Variants in CATSPERE observed in about 807,000 individuals in gnomAD.
The protein encoded by CATSPERE is catsper channel auxiliary subunit epsilon.
CATSPERE carries 93 observed loss-of-function variants against 114.1 expected under a neutral mutation model. That is an observed-to-expected ratio of 0.81 (90% CI 0.69 to 0.97). CATSPERE has a LOEUF of 0.97. CATSPERE is among the 50% of genes least tolerant of loss of function. The probability of loss-of-function intolerance (pLI) is 0.00; values close to 1 mark genes in which losing one functional copy is unlikely to be tolerated. For synonymous variants in CATSPERE, 341 were observed against 384.1 expected, an observed-to-expected ratio of 0.89 and a Z score of 1.31; for missense variants, 1,058 against 1,131.6, an observed-to-expected ratio of 0.93 and a Z score of 0.93.
chr1:244,549,919 G>A (rs557508520), intron 8 of CATSPERE, among the ~76,000 whole-genome samples: 3 of 152,184 alleles, frequency 2.0e-5, no homozygotes, highest in South Asian at 2.1e-4. Context: ...TGGGCATCAC[G>A]CAGTCCACTG....
At chr1:244,516,800 G>A (rs1366991096) in intron 7 of CATSPERE, among the ~76,000 whole-genome samples, 1 of 152,088 alleles carries the variant, frequency 6.6e-6, no homozygotes, top group Admixed American at 6.5e-5. Context: ...GGGATTACAG[G>A]CATTGAGCCA....
Position 244,464,855 on chromosome 1 carries a change from G to A in CATSPERE, c.114+899G>A, listed in dbSNP as rs148979042. On this transcript the variant is annotated intron_variant, in intron 2 of 21. Coordinates refer to ENST00000366534, the MANE Select transcript of CATSPERE (RefSeq NM_001130957.2). Reference sequence around the variant, plus strand: ...TTAATTTTCTGCCTTTTTCTTACTCGTTAACACAGTGCTATCTACATTGCG... The same window carrying A: ...TTAATTTTCTGCCTTTTTCTTACTCATTAACACAGTGCTATCTACATTGCG... Among the ~76,000 whole-genome samples, 226 of 150,276 alleles carry A rather than the reference G, an allele frequency of 1.5e-3. 1 individual carries two copies. The highest frequency in any genetic ancestry group is 5.0e-3 in the African/African-American group (204 of 40,832).
Position 244,552,821 on chromosome 1 carries a change from A to G in CATSPERE, c.1029+7A>G. The G allele has an allele frequency of 7.5e-7, 1 of 1,331,382 alleles. No homozygotes were observed. The highest frequency in any genetic ancestry group is 9.9e-7 in the Non-Finnish European group (1 of 1,006,814). The allele number at this position is 1,331,382 out of a possible 1,614,324, so 82.5% of individuals were successfully genotyped here. On this transcript the variant is annotated splice_region_variant and intron_variant, in intron 9 of 21. Transcript: ENST00000366534. Reference sequence around the variant, plus strand: ...GGTCAATTATTTATTAAAGGTTAGTAAAAGATATTTTATATTTTATAAATA... The same window carrying G: ...GGTCAATTATTTATTAAAGGTTAGTGAAAGATATTTTATATTTTATAAATA...
chr1:244,629,503 C>CTTTTTTTTTTTT (rs369560104), intron 20 of CATSPERE, among the ~76,000 whole-genome samples: 2 of 82,300 alleles, frequency 2.4e-5, no homozygotes, highest in African/African-American at 4.9e-5. Context: ...TCTCTCTTAC[C>CTTTTTTTTTTTT]TTTTTTTTTT....
chr1:244,595,902 T>C (rs6429493), intron 17 of CATSPERE, among the ~76,000 whole-genome samples: 25,307 of 151,768 alleles, frequency 0.17, 2,845 homozygotes, highest in East Asian at 0.39. Context: ...CACTGCACTC[T>C]AGCCTGGGCG....
chr1:244,629,855 G>T (rs1333781806), intron 20 of CATSPERE, among the ~76,000 whole-genome samples: 3 of 151,648 alleles, frequency 2.0e-5, no homozygotes, highest in Admixed American at 6.6e-5. Flanking sequence ...GGCCAGGCTG[G>T]TCTCAAACTC....
intron 1 of CATSPERE, among the ~76,000 whole-genome samples, chr1:244,455,416 T>G (rs567334635): frequency 4.5e-4 from 69 of 152,230 alleles, no homozygotes; most frequent in African/African-American, 1.6e-3. Flanking sequence ...AAACTTAATT[T>G]CAGGTGGGAA....
chr1:244,528,997 C>T (rs1292244376), intron 8 of CATSPERE, among the ~76,000 whole-genome samples: 2 of 152,158 alleles, frequency 1.3e-5, no homozygotes, highest in East Asian at 1.9e-4. Flanking sequence ...TATTGTTGCA[C>T]GTGACAGGAT....
chr1:244,451,548 G>T, upstream of CATSPERE: 1 of 1,418,442 alleles, frequency 7.0e-7, no homozygotes, highest in Non-Finnish European at 9.4e-7. The surrounding 1 kb of genome is among the most constrained non-coding windows in gnomAD (Gnocchi z 6.6). Context: ...AGTGGATCCG[G>T]GTTCTGGGTC....
chr1:244,631,337 A>G lies in CATSPERE; in HGVS notation c.2649-4152A>G, dbSNP rs61842406. Among the ~76,000 whole-genome samples, 981 of 152,196 alleles carry G rather than the reference A, an allele frequency of 6.4e-3. 4 individuals are homozygous for G. The highest frequency in any genetic ancestry group is 0.014 in the Middle Eastern group (4 of 294). On this transcript the variant is annotated intron_variant, in intron 20 of 21. Coordinates refer to ENST00000366534, the MANE Select transcript of CATSPERE (RefSeq NM_001130957.2). ...CATAGACCTAAATGTAAAATGCAAA[A>G]CTATAAAACTCATAGAAGATAACTA... is the stretch of plus-strand genomic sequence containing the variant.
intron 11 of CATSPERE, among the ~76,000 whole-genome samples, chr1:244,577,442 T>C (rs1665455838): frequency 6.6e-6 from 1 of 152,204 alleles, no homozygotes; most frequent in African/African-American, 2.4e-5. Context: ...CTTAGTCCAT[T>C]TGGGCTACAT....
chr1:244,580,071 C>G (rs773060272), intron 11 of CATSPERE, among the ~76,000 whole-genome samples: 1 of 152,148 alleles, frequency 6.6e-6, no homozygotes, highest in Admixed American at 6.5e-5. Flanking sequence ...GGGTCTCACT[C>G]TGTCATCCAG....
At chr1:244,562,102 T>C (rs1416315729) in intron 10 of CATSPERE, among the ~76,000 whole-genome samples, 1 of 138,742 alleles carries the variant, frequency 7.2e-6, no homozygotes, top group Non-Finnish European at 1.5e-5. Context: ...CAGTGAGCCA[T>C]GTTCACCTCA....
intron 8 of CATSPERE, among the ~76,000 whole-genome samples, chr1:244,536,479 T>C (rs2148439604): frequency 6.6e-6 from 1 of 152,330 alleles, no homozygotes; most frequent in South Asian, 2.1e-4. Context: ...CTGCTCAAAA[T>C]GTTCCCTCTG....
At position 244,633,890 on chromosome 1, in the gene CATSPERE, A is replaced by C. The variant is rs1290764098; in HGVS notation, c.2649-1599A>C. 2.1e-5 allele frequency among the ~76,000 whole-genome samples: 3 copies of C among 141,786 alleles called. No individual in the cohort carries two copies. Among genetic ancestry groups the C allele is most frequent in the Non-Finnish European group, 3.0e-5 (2 of 66,246 alleles). 93.0% of individuals were successfully genotyped at this position (141,786 alleles called of 152,430 possible). A position where few individuals can be genotyped will look rare whatever the true frequency, so the allele number is the denominator to read the frequency against. On this transcript the variant is annotated intron_variant, in intron 20 of 21. Coordinates refer to ENST00000366534, the MANE Select transcript of CATSPERE (RefSeq NM_001130957.2). This position sits in a 1 kb window ranked among gnomAD's most constrained non-coding sequence, Gnocchi z 4.1. ...ATTTTTTTTTTTTTTTTTGAGACGG[A>C]GCCTCACTCTGTTGCCCAGGCTGGA...
At chr1:244,532,973 G>T (rs1186452866) in intron 8 of CATSPERE, among the ~76,000 whole-genome samples, 2 of 148,628 alleles carry the variant, frequency 1.3e-5, no homozygotes, top group African/African-American at 5.2e-5. Context: ...GGCTATTATT[G>T]TATTGGGGTC....
At chr1:244,501,300 G>A (rs1035599238) in intron 7 of CATSPERE, among the ~76,000 whole-genome samples, 2 of 152,120 alleles carry the variant, frequency 1.3e-5, no homozygotes, top group African/African-American at 4.8e-5. Flanking sequence ...ATCACTTGAA[G>A]ATAAATGAAT....
chr1:244,502,143 A>G (rs961682715), intron 7 of CATSPERE, among the ~76,000 whole-genome samples: 6 of 152,164 alleles, frequency 3.9e-5, no homozygotes, highest in African/African-American at 1.4e-4. Context: ...GTTTTGATCA[A>G]TCATCCACAA....
rs1166419094 is a variant in CATSPERE, at chr1:244,575,516, C to A, written c.1950+2744C>A. The stretch of plus-strand genomic sequence containing the variant: ...GGACGTACCTGAGCAGCACAGAAGG[C>A]TTGGGGCTCGACAGCTGGTGGCCTG... On this transcript the variant is annotated intron_variant, in intron 11 of 21. Transcript: ENST00000366534. The surrounding 1 kb of genome is among the most constrained non-coding windows in gnomAD (Gnocchi z 4.5). Among the ~76,000 whole-genome samples, 3 of 152,200 alleles carry A rather than the reference C, an allele frequency of 2.0e-5. No homozygotes were observed. The highest frequency in any genetic ancestry group is 4.4e-5 in the Non-Finnish European group (3 of 68,030).
Sources: allele counts gnomAD v4.1 joint callset (sites outside exome capture counted in the v4.1 genomes callset), GRCh38; gene constraint gnomAD v4.1.1; non-coding constraint Gnocchi (gnomAD v3.1); transcripts MANE v1.5; gene names NCBI Gene and HGNC (gene_info 2026-07-23, HGNC 2026-07-21).